IFT88: variants seen among roughly 807,000 people sequenced by gnomAD.
IFT88 encodes intraflagellar transport protein 88 homolog.
IFT88 carries 74 observed loss-of-function variants against 119.5 expected under a neutral mutation model. That is an observed-to-expected ratio of 0.62 (90% CI 0.51 to 0.75). The LOEUF is 0.75. IFT88 is among the 30% of genes least tolerant of loss of function. IFT88 has a pLI of 0.00. For missense variants in IFT88, 961 were observed against 977.7 expected, an observed-to-expected ratio of 0.98 and a Z score of 0.23; for synonymous variants, 279 against 316.7, an observed-to-expected ratio of 0.88 and a Z score of 1.26.
chr13:20,602,056 T>C, intron 12 of IFT88, 123 bp downstream of exon 12: 1 of 616,330 alleles, frequency 1.6e-6, no homozygotes, highest in South Asian at 2.2e-5. Context: ...CAATGTGTTT[T>C]ATTATTGATG....
At chr13:20,597,238 TTAA>T in intron 9 of IFT88, 119 bp downstream of exon 9, 3 of 533,268 alleles carry the variant, frequency 5.6e-6, no homozygotes, top group African/African-American at 3.9e-5. Flanking sequence ...CACAATTAGA[TTAA>T]TAATAATCTT....
At position 20,638,329 on chromosome 13, in the gene IFT88, T is replaced by G; in HGVS notation, c.1387-3T>G. 1 of 1,330,356 alleles carries G rather than the reference T, an allele frequency of 7.5e-7. No individual in the cohort carries two copies. Among genetic ancestry groups the G allele is most frequent in the South Asian group, 2.7e-5 (1 of 37,138 alleles). The allele number at this position is 1,330,356 out of a possible 1,614,324, so 82.4% of individuals were successfully genotyped here. ...AAATAATTTGTATATGTATTTTACTTAGGGAAAGGATTTTGCACAAGCCAG... is the reference window on the plus strand; with the variant it reads ...AAATAATTTGTATATGTATTTTACTGAGGGAAAGGATTTTGCACAAGCCAG... On this transcript the variant is annotated splice_region_variant and splice_polypyrimidine_tract_variant and intron_variant, in intron 16 of 25. Coordinates refer to ENST00000351808, the MANE Select transcript of IFT88 (RefSeq NM_006531.5).
At chr13:20,576,873 T>C (rs917934454) in intron 2 of IFT88, among the ~76,000 whole-genome samples, 23 of 152,182 alleles carry the variant, frequency 1.5e-4, no homozygotes, top group African/African-American at 4.8e-4. Context: ...ATATAGACTT[T>C]AGGATGTTTT....
intron 24 of IFT88, among the ~76,000 whole-genome samples, chr13:20,680,427 G>T (rs2057188656): frequency 6.6e-6 from 1 of 152,152 alleles, no homozygotes; most frequent in Non-Finnish European, 1.5e-5. Flanking sequence ...CATGTTTCTG[G>T]CTGTAGAAGT....
chr13:20,647,881 G>A (rs2050981909), intron 20 of IFT88, among the ~76,000 whole-genome samples: 2 of 152,256 alleles, frequency 1.3e-5, no homozygotes, highest in South Asian at 4.1e-4. Context: ...AACACTAAAA[G>A]ATCCACAATG....
intron 14 of IFT88, among the ~76,000 whole-genome samples, chr13:20,616,757 C>T (rs1002107997): frequency 3.3e-5 from 5 of 152,126 alleles, no homozygotes; most frequent in Non-Finnish European, 5.9e-5. Flanking sequence ...ATGTGCTGTG[C>T]TTTCATAAGA....
At chr13:20,567,817 A>G (rs969064001) in intron 1 of IFT88, 5 of 1,281,786 alleles carry the variant, frequency 3.9e-6, no homozygotes, top group Non-Finnish European at 4.1e-6. Flanking sequence ...TTCTAAGCCT[A>G]AAATTACACT....
At chr13:20,608,604 C>G (rs1162621597) in intron 13 of IFT88, among the ~76,000 whole-genome samples, 1 of 152,184 alleles carries the variant, frequency 6.6e-6, no homozygotes, top group Non-Finnish European at 1.5e-5. Context: ...TGCTTGAGAA[C>G]GTCAGACTGG....
intron 20 of IFT88, among the ~76,000 whole-genome samples, chr13:20,652,810 C>T (rs181974227): frequency 6.6e-6 from 1 of 152,226 alleles, no homozygotes; most frequent in Non-Finnish European, 1.5e-5. Context: ...GCATATGGAA[C>T]AGTCTATCCA....
Position 20,677,672 on chromosome 13 carries a change from C to G in IFT88, c.2242+6633C>G, listed in dbSNP as rs372196991. Among the ~76,000 whole-genome samples, 354 of 152,324 alleles carry G rather than the reference C, an allele frequency of 2.3e-3. 1 individual carries two copies. Among genetic ancestry groups the G allele is most frequent in the South Asian group, 0.017 (82 of 4,822 alleles). Reference sequence around the variant, plus strand: ...CAGTGTTTCTAGATATAAACAAATACTTCCTCATACTTAAGGAGTGAGAAT... The same window carrying G: ...CAGTGTTTCTAGATATAAACAAATAGTTCCTCATACTTAAGGAGTGAGAAT... On this transcript the variant is annotated intron_variant, in intron 24 of 25. Transcript: ENST00000351808.
intron 22 of IFT88, among the ~76,000 whole-genome samples, chr13:20,661,506 C>T (rs532941738): frequency 9.9e-5 from 15 of 152,200 alleles, no homozygotes; most frequent in African/African-American, 2.9e-4. Flanking sequence ...GAGGCCAAGA[C>T]GGGCGAATCA....
chr13:20,639,508 G>A (rs1388697398), intron 17 of IFT88, among the ~76,000 whole-genome samples: 1 of 152,152 alleles, frequency 6.6e-6, no homozygotes, highest in Non-Finnish European at 1.5e-5. Flanking sequence ...AGGCAAGAAG[G>A]AATTAGCCAT....
chr13:20,609,273 A>G (rs2044041079), intron 13 of IFT88, among the ~76,000 whole-genome samples: 1 of 152,214 alleles, frequency 6.6e-6, no homozygotes, highest in South Asian at 2.1e-4. Context: ...TTCAAAATGG[A>G]CACAATTGCT....
intron 9 of IFT88, 53 bp downstream of exon 9, chr13:20,597,172 T>G: frequency 1.1e-6 from 1 of 943,528 alleles, no homozygotes; most frequent in Non-Finnish European, 1.6e-6. Context: ...CTAGGGTTAA[T>G]GGGTTCCAGA....
At chr13:20,665,897 T>C (rs923452425) in intron 23 of IFT88, among the ~76,000 whole-genome samples, 3 of 152,120 alleles carry the variant, frequency 2.0e-5, no homozygotes, top group African/African-American at 7.2e-5. Flanking sequence ...ACTTGGAGTT[T>C]GGGGTGGAGA....
At chr13:20,585,067 C>G (rs1165267909) in intron 3 of IFT88, among the ~76,000 whole-genome samples, 1 of 152,206 alleles carries the variant, frequency 6.6e-6, no homozygotes, top group African/African-American at 2.4e-5. Flanking sequence ...TCCCGTCCTC[C>G]CTGTCCTACG....
chr13:20,669,651 T>C (rs997063840), intron 23 of IFT88, among the ~76,000 whole-genome samples: 6 of 152,086 alleles, frequency 3.9e-5, no homozygotes, highest in African/African-American at 1.4e-4. Context: ...CTTGAACTCC[T>C]GACCTCAGGT....
chr13:20,587,450 G>A (rs1457145152), intron 3 of IFT88, among the ~76,000 whole-genome samples: 1 of 152,062 alleles, frequency 6.6e-6, no homozygotes, highest in Admixed American at 6.6e-5. Flanking sequence ...TAAAGACGGA[G>A]TTTCACCATG....
intron 17 of IFT88, among the ~76,000 whole-genome samples, chr13:20,639,214 CTTATT>C (rs1160054808): frequency 6.6e-6 from 1 of 152,082 alleles, no homozygotes; most frequent in Non-Finnish European, 1.5e-5. Flanking sequence ...CTTTGGTTTG[CTTATT>C]TTATTCTCTT....
Sources: allele counts gnomAD v4.1 joint callset (sites outside exome capture counted in the v4.1 genomes callset), GRCh38; gene constraint gnomAD v4.1.1; transcripts MANE v1.5; gene names NCBI Gene and HGNC (gene_info 2026-07-23, HGNC 2026-07-21).